Variants in ESR1 observed in about 807,000 individuals in gnomAD.
ESR1 encodes the protein estrogen receptor.
ESR1 carries 12 observed loss-of-function variants against 52.7 expected under a neutral mutation model. That is an observed-to-expected ratio of 0.23 (90% CI 0.15 to 0.37). ESR1 has a LOEUF of 0.37. Among genes scored for constraint, ESR1 ranks in the 10% least tolerant of loss-of-function variants. The probability of loss-of-function intolerance (pLI) is 1.00; values close to 1 mark genes in which losing one functional copy is unlikely to be tolerated. For synonymous variants in ESR1, 305 were observed against 316.8 expected, an observed-to-expected ratio of 0.96 and a Z score of 0.39; for missense variants, 584 against 779.7, an observed-to-expected ratio of 0.75 and a Z score of 2.99.
At chr6:152,062,123 T>C (rs1182891920) in intron 6 of ESR1, among the ~76,000 whole-genome samples, 1 of 152,174 alleles carries the variant, frequency 6.6e-6, no homozygotes, top group Non-Finnish European at 1.5e-5. Context: ...ATTGATCACA[T>C]ACATAGAGAA....
rs117138938 is a variant in ESR1 at position 152,042,559 on chromosome 6, G to A, written c.1236-18432G>A. ...AGTCACTGCATAAATTGTCAGCAAT[G>A]TAGTGGGGTCCTTCCTCAAGGGGAC... On this transcript the variant is annotated intron_variant, in intron 5 of 7. Transcript: ENST00000206249. 2.7e-4 allele frequency among the ~76,000 whole-genome samples: 41 copies of A among 152,334 alleles called. No individual in the cohort carries two copies. The East Asian group carries it at 5.4e-3, about 20-fold the overall frequency.
chr6:151,915,745 G>A (rs1367828106), intron 3 of ESR1, among the ~76,000 whole-genome samples: 4 of 152,010 alleles, frequency 2.6e-5, no homozygotes, highest in Non-Finnish European at 4.4e-5. Flanking sequence ...ATCTTACCTG[G>A]ATTTAAGACT....
intron 1 of ESR1, among the ~76,000 whole-genome samples, chr6:151,837,396 C>G (rs1424089798): frequency 1.3e-5 from 2 of 151,902 alleles, no homozygotes; most frequent in Non-Finnish European, 2.9e-5. Flanking sequence ...CCACACCCAG[C>G]CCAGACATCC....
intron 1 of ESR1, among the ~76,000 whole-genome samples, chr6:151,842,320 G>C (rs1784424524): frequency 6.6e-6 from 1 of 152,156 alleles, no homozygotes; most frequent in African/African-American, 2.4e-5. Context: ...AAGTCTATTA[G>C]AAACCAGCTA....
At chr6:151,771,303 T>C (rs1785494880) in intron 2 of ESR1, among the ~76,000 whole-genome samples, 1 of 152,196 alleles carries the variant, frequency 6.6e-6, no homozygotes, top group Non-Finnish European at 1.5e-5. Context: ...GTTTATCCTC[T>C]CTTAGTAGAA....
chr6:152,035,052 A>G (rs2348078), intron 5 of ESR1, among the ~76,000 whole-genome samples: 66,868 of 152,056 alleles, frequency 0.44, 16,657 homozygotes, highest in African/African-American at 0.67. Flanking sequence ...GTGAGATTAC[A>G]TGCCCTTCTT....
At chr6:151,837,639 C>T (rs1023178209) in intron 1 of ESR1, among the ~76,000 whole-genome samples, 1 of 152,116 alleles carries the variant, frequency 6.6e-6, no homozygotes, top group Non-Finnish European at 1.5e-5. Context: ...ATTTCTCATT[C>T]GATCTTCAGC....
At chr6:151,723,563 T>C (rs1781612468) in intron 2 of ESR1, among the ~76,000 whole-genome samples, 1 of 152,074 alleles carries the variant, frequency 6.6e-6, no homozygotes, top group African/African-American at 2.4e-5. Flanking sequence ...CTGCTATATA[T>C]CCATGTAACA....
intron 3 of ESR1, among the ~76,000 whole-genome samples, chr6:151,931,683 A>G (rs970005402): frequency 2.1e-5 from 3 of 144,036 alleles, no homozygotes; most frequent in Admixed American, 7.0e-5. Flanking sequence ...GTTCCCACCT[A>G]TGAGTGAGAA....
chr6:152,062,344 A>G (rs1264909611), intron 6 of ESR1, among the ~76,000 whole-genome samples: 1 of 151,964 alleles, frequency 6.6e-6, no homozygotes, highest in Non-Finnish European at 1.5e-5. Flanking sequence ...ACAATTTTCC[A>G]CTTCTCTTCC....
At chr6:152,063,950 C>T (rs146141200) in intron 6 of ESR1, among the ~76,000 whole-genome samples, 13 of 152,292 alleles carry the variant, frequency 8.5e-5, no homozygotes, top group African/African-American at 2.4e-4. Context: ...AGGACCTGCT[C>T]GGAATGTCTT....
intron 5 of ESR1, among the ~76,000 whole-genome samples, chr6:152,043,118 G>A (rs1483204976): frequency 1.3e-5 from 2 of 152,064 alleles, no homozygotes; most frequent in South Asian, 2.1e-4. Context: ...CTAAAGTGAC[G>A]AATTCACTCC....
At chr6:151,736,982 G>A (rs1198057944) in intron 2 of ESR1, among the ~76,000 whole-genome samples, 1 of 152,126 alleles carries the variant, frequency 6.6e-6, no homozygotes, top group Non-Finnish European at 1.5e-5. Context: ...CTGTTAAAAG[G>A]AAACATTTAA....
intron 5 of ESR1, among the ~76,000 whole-genome samples, chr6:152,027,788 A>G (rs925719630): frequency 2.6e-5 from 4 of 152,208 alleles, no homozygotes; most frequent in South Asian, 4.1e-4. Flanking sequence ...AGGTACATAG[A>G]ATGTCTTTTG....
intron 6 of ESR1, among the ~76,000 whole-genome samples, chr6:152,110,447 G>A (rs988331371): frequency 2.0e-5 from 3 of 152,056 alleles, no homozygotes; most frequent in Non-Finnish European, 2.9e-5. Flanking sequence ...AATACTGCAT[G>A]TTCTCACTTA....
chr6:151,750,059 T>C (rs1783787483), intron 2 of ESR1, among the ~76,000 whole-genome samples: 1 of 152,226 alleles, frequency 6.6e-6, no homozygotes, highest in Non-Finnish European at 1.5e-5. Flanking sequence ...TATCAGAGAA[T>C]GACACTTAGA....
chr6:152,017,985 A>G (rs756686909), intron 5 of ESR1, among the ~76,000 whole-genome samples: 4 of 152,160 alleles, frequency 2.6e-5, no homozygotes, highest in Non-Finnish European at 5.9e-5. Flanking sequence ...TTCAACAAGC[A>G]GAATATTCCC....
intron 2 of ESR1, among the ~76,000 whole-genome samples, chr6:151,869,606 C>CA (rs1481250529): frequency 1.3e-5 from 2 of 151,718 alleles, no homozygotes; most frequent in Non-Finnish European, 2.9e-5. Flanking sequence ...AGAGGTTGGA[C>CA]AAAAAAAGGG....
intron 2 of ESR1, among the ~76,000 whole-genome samples, chr6:151,718,588 G>T (rs1396293443): frequency 6.6e-6 from 1 of 152,212 alleles, no homozygotes; most frequent in African/African-American, 2.4e-5. Flanking sequence ...GAATGAAGAG[G>T]TGAAGGAGTG....
Sources: gnomAD v4.1 joint callset for allele counts (sites outside exome capture counted in the v4.1 genomes callset) on GRCh38, gnomAD v4.1.1 for gene constraint, MANE v1.5 for transcripts, NCBI Gene and HGNC (gene_info 2026-07-23, HGNC 2026-07-21) for gene names.